CPEB3: variants seen among roughly 807,000 people sequenced by gnomAD.
The protein encoded by CPEB3 is cytoplasmic polyadenylation element-binding protein 3.
In CPEB3, 20 loss-of-function variants were observed where a neutral mutation model predicts 67.2. The observed-to-expected ratio is 0.30, with a 90% confidence interval of 0.21 to 0.43. CPEB3 has a LOEUF of 0.43. CPEB3 is among the 20% of genes least tolerant of loss of function. The probability of loss-of-function intolerance (pLI) is 1.00; values close to 1 mark genes in which losing one functional copy is unlikely to be tolerated. For synonymous variants in CPEB3, 376 were observed against 393.1 expected (o/e 0.96, Z 0.51); for missense variants, 746 against 968.6 (o/e 0.77, Z 3.05).
At chr10:92,114,056 C>T (rs149631354) in intron 6 of CPEB3, among the ~76,000 whole-genome samples, 11 of 152,248 alleles carry the variant, frequency 7.2e-5, no homozygotes, top group African/African-American at 2.2e-4. Flanking sequence ...TCTGTAATGG[C>T]AATATTCTCT....
intron 2 of CPEB3, among the ~76,000 whole-genome samples, chr10:92,222,130 A>C (rs1023763639): frequency 3.9e-5 from 6 of 152,038 alleles, no homozygotes; most frequent in African/African-American, 1.4e-4. Context: ...TAAGACCATA[A>C]ATTTCTGTCC....
intron 4 of CPEB3, among the ~76,000 whole-genome samples, chr10:92,156,085 C>T (rs1307477317): frequency 6.6e-6 from 1 of 152,076 alleles, no homozygotes; most frequent in Non-Finnish European, 1.5e-5. Flanking sequence ...AGACAACTAT[C>T]CTCAAAGAAC....
chr10:92,250,151 G>A (rs554941553), intron 1 of CPEB3, among the ~76,000 whole-genome samples: 2 of 151,408 alleles, frequency 1.3e-5, no homozygotes, highest in East Asian at 2.0e-4. Flanking sequence ...GCAGTGGCGC[G>A]ATCTGAGCTC....
intron 7 of CPEB3, among the ~76,000 whole-genome samples, chr10:92,107,809 A>T (rs2133451597): frequency 6.6e-6 from 1 of 152,326 alleles, no homozygotes; most frequent in East Asian, 1.9e-4. Flanking sequence ...GAAGTCAACT[A>T]ATTAGGCCAT....
At chr10:92,054,955 A>G (rs779728114) in intron 9 of CPEB3, among the ~76,000 whole-genome samples, 1 of 152,184 alleles carries the variant, frequency 6.6e-6, no homozygotes, top group Non-Finnish European at 1.5e-5. Context: ...ATGTCTACCT[A>G]CAGGGAAACA....
At chr10:92,087,442 AGATT>A (rs1169331963) in intron 8 of CPEB3, among the ~76,000 whole-genome samples, 2 of 152,234 alleles carry the variant, frequency 1.3e-5, no homozygotes, top group African/African-American at 4.8e-5. Flanking sequence ...CACTCTCTCA[AGATT>A]GATCTGTTTG....
At chr10:92,117,397 T>C (rs1411374032) in intron 6 of CPEB3, among the ~76,000 whole-genome samples, 1 of 145,798 alleles carries the variant, frequency 6.9e-6, no homozygotes, top group Admixed American at 7.0e-5. Flanking sequence ...TGGTGTGATC[T>C]TGGCTCACTG....
chr10:92,234,677 C>T (rs1404790091), intron 2 of CPEB3, among the ~76,000 whole-genome samples: 1 of 152,084 alleles, frequency 6.6e-6, no homozygotes, highest in African/African-American at 2.4e-5. Flanking sequence ...GCCTGTAATC[C>T]CAGCACTTTG....
intron 7 of CPEB3, among the ~76,000 whole-genome samples, chr10:92,102,749 A>G (rs973200594): frequency 1.3e-5 from 2 of 152,088 alleles, no homozygotes; most frequent in African/African-American, 4.8e-5. Flanking sequence ...CACCTCTCTA[A>G]AGGCTTTTCT....
chr10:92,078,189 T>A (rs561623942), intron 9 of CPEB3, among the ~76,000 whole-genome samples: 1 of 152,220 alleles, frequency 6.6e-6, no homozygotes, highest in South Asian at 2.1e-4. Context: ...CCCAAGGTCA[T>A]ATAACCCCAA....
At chr10:92,120,939 G>T (rs1845339534) in intron 6 of CPEB3, among the ~76,000 whole-genome samples, 1 of 152,034 alleles carries the variant, frequency 6.6e-6, no homozygotes. Flanking sequence ...GACCTCAGGT[G>T]ATCCACCCAC....
intron 4 of CPEB3, among the ~76,000 whole-genome samples, chr10:92,166,473 T>C (rs1184681965): frequency 6.6e-6 from 1 of 152,186 alleles, no homozygotes; most frequent in African/African-American, 2.4e-5. Context: ...CCATGGGCTG[T>C]AGAATGGATG....
chr10:92,086,786 T>C (rs1198391799), intron 8 of CPEB3, among the ~76,000 whole-genome samples: 1 of 152,268 alleles, frequency 6.6e-6, no homozygotes, highest in Non-Finnish European at 1.5e-5. Context: ...TTTGGTTTTA[T>C]GCTAATATCA....
At chr10:92,256,654 G>A (rs900942440) in intron 1 of CPEB3, among the ~76,000 whole-genome samples, 1 of 151,994 alleles carries the variant, frequency 6.6e-6, no homozygotes, top group South Asian at 2.1e-4. Flanking sequence ...CAAAGTACTG[G>A]GATTACAGGC....
At position 92,055,324 on chromosome 10, in the gene CPEB3, G is replaced by A. The variant is rs748129319; in HGVS notation, c.1870-2885C>T. ...TCATGAAGGTTTTCATAACTGCCTCGAGGCCAGAGGCACAAAGTGATGCCT... is the reference window on the plus strand; with the variant it reads ...TCATGAAGGTTTTCATAACTGCCTCAAGGCCAGAGGCACAAAGTGATGCCT... On this transcript the variant is annotated intron_variant, in intron 9 of 9. Transcript: ENST00000265997. 5.3e-4 allele frequency among the ~76,000 whole-genome samples: 80 copies of A among 152,122 alleles called. 1 individual carries two copies. Among genetic ancestry groups the A allele is most frequent in the Non-Finnish European group, 8.2e-4 (56 of 68,020 alleles).
At position 92,275,951 on chromosome 10, in the gene CPEB3, C is replaced by T. The variant is rs557930108; in HGVS notation, c.-12+14975G>A. 9.5e-4 allele frequency among the ~76,000 whole-genome samples: 144 copies of T among 150,856 alleles called. 1 individual carries two copies. Among genetic ancestry groups the T allele is most frequent in the Middle Eastern group, 3.4e-3 (1 of 292 alleles). ...GCAAGCTCCGCCTCCTGGGTTCACGCCATTCTCCTGCCTCAGCCTCCCAAG... is the reference window on the plus strand; with the variant it reads ...GCAAGCTCCGCCTCCTGGGTTCACGTCATTCTCCTGCCTCAGCCTCCCAAG... On this transcript the variant is annotated intron_variant, in intron 1 of 9. Coordinates refer to ENST00000265997, the MANE Select transcript of CPEB3 (RefSeq NM_014912.5).
rs746688989 is a variant in CPEB3 at position 92,239,478 on chromosome 10, C to A, written c.873G>T (p.Pro291=). The A allele has an allele frequency of 7.5e-6, 12 of 1,591,494 alleles. No individual in the cohort carries two copies. In the East Asian group the frequency reaches 2.7e-4, roughly 36 times the overall value. Reference sequence around the variant, plus strand: ...CGTTGCTGGAGAAGGGCTTTTTGAGCGGCGAGATGGGGTTGAGCGGGGAAG... The same window carrying A: ...CGTTGCTGGAGAAGGGCTTTTTGAGAGGCGAGATGGGGTTGAGCGGGGAAG... The part of the protein sequence containing the change: ...GVPSPLNPIS[P]LKKPFSSNVI... The change falls in exon 2 of 10, where the codon CCG becomes CCT. Residue 291 remains proline (P), a synonymous_variant. Coordinates refer to ENST00000265997, the MANE Select transcript of CPEB3 (RefSeq NM_014912.5). The surrounding 1 kb of genome is among the most constrained non-coding windows in gnomAD (Gnocchi z 6.0).
At chr10:92,159,548 T>A (rs544179099) in intron 4 of CPEB3, among the ~76,000 whole-genome samples, 1 of 151,966 alleles carries the variant, frequency 6.6e-6, no homozygotes, top group South Asian at 2.1e-4. Context: ...GGAGGGCACC[T>A]GTAGTCCCAG....
At chr10:92,238,281 G>A (rs1055880827) in intron 2 of CPEB3, among the ~76,000 whole-genome samples, 4 of 152,144 alleles carry the variant, frequency 2.6e-5, no homozygotes, top group Non-Finnish European at 4.4e-5. Context: ...ACACACACCC[G>A]CACTACGCCT....
Sources: gnomAD v4.1 joint callset for allele counts (sites outside exome capture counted in the v4.1 genomes callset) on GRCh38, gnomAD v4.1.1 for gene constraint, Gnocchi (gnomAD v3.1) non-coding constraint, MANE v1.5 for transcripts, NCBI Gene and HGNC (gene_info 2026-07-23, HGNC 2026-07-21) for gene names.